Variants in ART3 observed in about 807,000 individuals in gnomAD.
The protein encoded by ART3 is ADP-ribosyltransferase 3 (inactive), also known as ecto-ADP-ribosyltransferase 3.
ART3 carries 49 observed loss-of-function variants against 48.5 expected under a neutral mutation model. The observed-to-expected ratio is 1.01, with a 90% CI of 0.80 to 1.28. The LOEUF (loss-of-function observed/expected upper bound fraction) is 1.28. Among genes scored for constraint, ART3 ranks in the 50% most tolerant of loss-of-function variants. The pLI is 0.00. For missense variants in ART3, 438 were observed against 454.3 expected (o/e 0.96, Z 0.33); for synonymous variants, 145 against 157.2 (o/e 0.92, Z 0.58).
chr4:76,023,918 G>C (rs1265431170), intron 1 of ART3, among the ~76,000 whole-genome samples: 1 of 152,144 alleles, frequency 6.6e-6, no homozygotes, highest in Non-Finnish European at 1.5e-5. Flanking sequence ...GTAACAGCAA[G>C]TTGTGCCTGA....
chr4:76,080,834 G>A (rs1234853347), intron 2 of ART3, among the ~76,000 whole-genome samples: 1 of 151,996 alleles, frequency 6.6e-6, no homozygotes, highest in African/African-American at 2.4e-5. Flanking sequence ...TTTTAAAATT[G>A]AAAACTTGAG....
chr4:76,028,385 AT>A (rs566591893), intron 1 of ART3, among the ~76,000 whole-genome samples: 103 of 152,380 alleles, frequency 6.8e-4, no homozygotes, highest in African/African-American at 2.4e-3. Flanking sequence ...TTAAGGAAGT[AT>A]CCCGCTTTAG....
At chr4:76,044,873 G>A (rs1735345727) in intron 1 of ART3, among the ~76,000 whole-genome samples, 1 of 152,098 alleles carries the variant, frequency 6.6e-6, no homozygotes, top group African/African-American at 2.4e-5. Flanking sequence ...TTGGGTTCCT[G>A]CACCATGTGC....
At chr4:76,045,313 A>G (rs1213959985) in intron 1 of ART3, among the ~76,000 whole-genome samples, 1 of 152,010 alleles carries the variant, frequency 6.6e-6, no homozygotes, top group Non-Finnish European at 1.5e-5. Flanking sequence ...GTTGAGGGCC[A>G]CGCACGTGCA....
chr4:76,063,838 G>A (rs1719462866), intron 1 of ART3, among the ~76,000 whole-genome samples: 2 of 152,090 alleles, frequency 1.3e-5, no homozygotes, highest in Non-Finnish European at 2.9e-5. Flanking sequence ...ACAAAGTTCT[G>A]AGGAAAAATT....
intron 1 of ART3, among the ~76,000 whole-genome samples, chr4:76,061,996 G>A (rs80075609): frequency 2.0e-5 from 3 of 152,220 alleles, no homozygotes; most frequent in African/African-American, 4.8e-5. Context: ...TTTGAGGGTA[G>A]CCTTTTGTTA....
In ART3 at chr4:76,051,344, TATA is replaced by T. The variant is rs1736065683; in HGVS notation, c.-9-24533_-9-24531del. Among the ~76,000 whole-genome samples, 3 of 152,200 alleles carry T rather than the reference TATA, an allele frequency of 2.0e-5. No homozygotes were observed. In the South Asian group the frequency reaches 6.2e-4, roughly 32 times the overall value. ...TAGTAGAATACTACTGTGAGTTTCT[TATA>T]ATATTATTAAAATACCCGTCCCAGA... On this transcript the variant is annotated intron_variant, in intron 1 of 9. Transcript: ENST00000341029.
intron 1 of ART3, among the ~76,000 whole-genome samples, chr4:76,026,950 T>C (rs1733442954): frequency 1.3e-5 from 2 of 152,130 alleles, no homozygotes; most frequent in South Asian, 4.1e-4. Flanking sequence ...ACAATAAATA[T>C]CAATAAGAGA....
At chr4:76,013,120 T>C (rs936967827) in intron 1 of ART3, among the ~76,000 whole-genome samples, 3 of 152,150 alleles carry the variant, frequency 2.0e-5, no homozygotes, top group Non-Finnish European at 4.4e-5. Flanking sequence ...TAATTGGAGG[T>C]ACAGAGAAGT....
chr4:76,038,590 T>C (rs989549916), intron 1 of ART3, among the ~76,000 whole-genome samples: 2 of 152,248 alleles, frequency 1.3e-5, no homozygotes, highest in African/African-American at 2.4e-5. Context: ...TTATCTGTTA[T>C]TATTTTTTAA....
upstream of ART3, among the ~76,000 whole-genome samples, chr4:76,071,741 C>T (rs10025961): frequency 0.21 from 31,307 of 152,096 alleles, 5,474 homozygotes; most frequent in African/African-American, 0.48. Flanking sequence ...TTTCCACACA[C>T]GGTCTTCTCC....
intron 10 of ART3, 125 bp downstream of exon 10, chr4:76,104,754 A>G: frequency 2.5e-6 from 3 of 1,194,180 alleles, no homozygotes; most frequent in Non-Finnish European, 3.6e-6. Flanking sequence ...ATCAGTAGTC[A>G]CATGTACATG....
chr4:76,078,607 G>C (rs144805441), intron 2 of ART3, among the ~76,000 whole-genome samples: 50 of 152,196 alleles, frequency 3.3e-4, no homozygotes, highest in African/African-American at 1.2e-3. Context: ...AATCAAGATA[G>C]TTTCTGAAGC....
chr4:76,052,062 C>T (rs1227888171), intron 1 of ART3, among the ~76,000 whole-genome samples: 1 of 151,996 alleles, frequency 6.6e-6, no homozygotes, highest in African/African-American at 2.4e-5. Flanking sequence ...CGCCTGCCAC[C>T]ATGCCCAGCT....
intron 1 of ART3, among the ~76,000 whole-genome samples, chr4:76,035,503 A>G (rs544085751): frequency 7.2e-4 from 109 of 152,216 alleles, no homozygotes; most frequent in South Asian, 1.7e-3. Context: ...GTTAAGTAAG[A>G]TGTTGATTAT....
intron 1 of ART3, chr4:76,021,920 C>T (rs1732858891): frequency 6.2e-7 from 1 of 1,611,178 alleles, no homozygotes; most frequent in South Asian, 1.1e-5. Context: ...GATTTTGCTC[C>T]CCTCTGGTTT....
intron 1 of ART3, among the ~76,000 whole-genome samples, chr4:76,062,262 A>G (rs948185154): frequency 6.6e-6 from 1 of 152,234 alleles, no homozygotes; most frequent in African/African-American, 2.4e-5. Context: ...ATTAAAAAGC[A>G]TTAAGTATCT....
chr4:76,079,100 G>A (rs1442905859), intron 2 of ART3, among the ~76,000 whole-genome samples: 1 of 146,042 alleles, frequency 6.8e-6, no homozygotes, highest in African/African-American at 2.5e-5. Flanking sequence ...AAAAGGACAA[G>A]ACTCTGGAAT....
At chr4:76,017,642 G>A (rs1412332772) in intron 1 of ART3, among the ~76,000 whole-genome samples, 1 of 152,130 alleles carries the variant, frequency 6.6e-6, no homozygotes, top group African/African-American at 2.4e-5. Context: ...TGGCTCTTCA[G>A]CACAGCACTA....
Sources: gnomAD v4.1 joint callset for allele counts (sites outside exome capture counted in the v4.1 genomes callset) on GRCh38, gnomAD v4.1.1 for gene constraint, MANE v1.5 for transcripts, NCBI Gene and HGNC (gene_info 2026-07-23, HGNC 2026-07-21) for gene names.